Variants in SLC24A2 observed in about 807,000 individuals in gnomAD.
The protein encoded by SLC24A2 is solute carrier family 24 member 2.
Under a neutral mutation model 62.0 loss-of-function variants are expected in SLC24A2, and 36 were observed. That is an observed-to-expected ratio of 0.58 (90% CI 0.44 to 0.77). SLC24A2 has a LOEUF of 0.77. Among genes scored for constraint, SLC24A2 ranks in the 30% least tolerant of loss-of-function variants. The pLI is 0.00. For missense variants in SLC24A2, 846 were observed against 817.9 expected (o/e 1.03, Z -0.42); for synonymous variants, 358 against 294.0 (o/e 1.22, Z -2.23).
At chr9:19,944,302 G>T in the SLC24A2 span, among the ~76,000 whole-genome samples, 5 of 152,090 alleles carry the variant, frequency 3.3e-5, no homozygotes, top group Non-Finnish European at 5.9e-5. Context: ...AAGTTTAAAA[G>T]CCACTTACAA....
chr9:19,675,471 T>C (rs536518863), intron 2 of SLC24A2, among the ~76,000 whole-genome samples: 2 of 152,096 alleles, frequency 1.3e-5, no homozygotes, highest in Non-Finnish European at 2.9e-5. Flanking sequence ...AGAAAGACCA[T>C]CAGGTGTAAG....
At chr9:20,029,764 T>C in the SLC24A2 span, among the ~76,000 whole-genome samples, 2 of 152,138 alleles carry the variant, frequency 1.3e-5, no homozygotes, top group Admixed American at 1.3e-4. Context: ...ACTCAGGCAA[T>C]ATGAGCTTTA....
At chr9:19,986,128 A>G in the SLC24A2 span, among the ~76,000 whole-genome samples, 1 of 152,176 alleles carries the variant, frequency 6.6e-6, no homozygotes, top group South Asian at 2.1e-4. Context: ...AAGGACTTAA[A>G]TAGAAATTTC....
chr9:19,728,592 G>A (rs1197018820), intron 2 of SLC24A2, among the ~76,000 whole-genome samples: 4 of 152,104 alleles, frequency 2.6e-5, no homozygotes, highest in Non-Finnish European at 5.9e-5. Flanking sequence ...CAACTCTGGT[G>A]GGGAGAGAAG....
At chr9:19,976,547 A>G in the SLC24A2 span, among the ~76,000 whole-genome samples, 1 of 152,232 alleles carries the variant, frequency 6.6e-6, no homozygotes, top group East Asian at 1.9e-4. Flanking sequence ...TCAAGACTGC[A>G]GAACTATGAG....
the SLC24A2 span, among the ~76,000 whole-genome samples, chr9:20,074,990 G>A: frequency 3.3e-5 from 5 of 152,076 alleles, no homozygotes; most frequent in African/African-American, 1.2e-4. Context: ...CTTGGTTTCT[G>A]CATGTAAGAA....
chr9:19,995,478 G>C, the SLC24A2 span, among the ~76,000 whole-genome samples: 1 of 151,980 alleles, frequency 6.6e-6, no homozygotes, highest in African/African-American at 2.4e-5. Context: ...GCTGTGATGG[G>C]GCCATGTGAG....
the SLC24A2 span, among the ~76,000 whole-genome samples, chr9:20,088,769 G>A: frequency 6.6e-6 from 1 of 152,150 alleles, no homozygotes; most frequent in Non-Finnish European, 1.5e-5. Flanking sequence ...CAGGACCTCT[G>A]CATCGGGGTC....
Position 19,661,227 on chromosome 9 carries a change from G to A in SLC24A2, c.931-38928C>T, listed in dbSNP as rs906150985. Among the ~76,000 whole-genome samples the A allele has an allele frequency of 3.3e-5, 5 of 149,620 alleles. 1 individual carries two copies. The highest frequency in any genetic ancestry group is 2.0e-4 in the East Asian group (1 of 5,104). On this transcript the variant is annotated intron_variant, in intron 2 of 10. Transcript: ENST00000341998. The stretch of plus-strand genomic sequence containing the variant: ...TTTTTTTTGTGATTCTTCCTCATCC[G>A]ATACAAGTTAATTCACCCATGACTT...
chr9:20,139,950 C>T, the SLC24A2 span, among the ~76,000 whole-genome samples: 1 of 152,230 alleles, frequency 6.6e-6, no homozygotes, highest in Non-Finnish European at 1.5e-5. Context: ...GGAAACAGCC[C>T]GTGCTGCTGA....
the SLC24A2 span, among the ~76,000 whole-genome samples, chr9:20,056,536 T>C: frequency 2.0e-5 from 3 of 152,216 alleles, no homozygotes; most frequent in Admixed American, 2.0e-4. Flanking sequence ...CTTTTCTTAA[T>C]GAATTAATTA....
At chr9:20,116,520 A>G in the SLC24A2 span, among the ~76,000 whole-genome samples, 11 of 152,266 alleles carry the variant, frequency 7.2e-5, no homozygotes, top group East Asian at 1.9e-4. Flanking sequence ...TAGTTCTCCA[A>G]TGGGCTTTCA....
the SLC24A2 span, among the ~76,000 whole-genome samples, chr9:19,959,814 C>A: frequency 6.6e-6 from 1 of 152,146 alleles, no homozygotes; most frequent in African/African-American, 2.4e-5. Context: ...GAAGTTTACA[C>A]GATCTCACTC....
the SLC24A2 span, among the ~76,000 whole-genome samples, chr9:19,995,938 G>A: frequency 2.0e-5 from 3 of 152,212 alleles, no homozygotes; most frequent in Non-Finnish European, 2.9e-5. Context: ...GGCTATCTGG[G>A]GAGAAAGGTA....
chr9:19,560,879 TTGTGTGTG>T (rs779469797), intron 7 of SLC24A2, among the ~76,000 whole-genome samples: 1 of 137,068 alleles, frequency 7.3e-6, no homozygotes, highest in African/African-American at 2.7e-5. Context: ...GTCTTTGCAT[TTGTGTGTG>T]TGTGTGTGTG....
the SLC24A2 span, among the ~76,000 whole-genome samples, chr9:20,138,627 G>A: frequency 2.0e-5 from 3 of 152,126 alleles, no homozygotes; most frequent in South Asian, 2.1e-4. Flanking sequence ...AGGAGTAAGC[G>A]ATTCCTCCTC....
At chr9:19,518,323 C>T (rs939800261) in intron 10 of SLC24A2, among the ~76,000 whole-genome samples, 1 of 151,926 alleles carries the variant, frequency 6.6e-6, no homozygotes, top group African/African-American at 2.4e-5. Flanking sequence ...ACACAAATAG[C>T]AATGTAATTT....
chr9:19,872,628 G>A, the SLC24A2 span, among the ~76,000 whole-genome samples: 6 of 152,116 alleles, frequency 3.9e-5, no homozygotes, highest in Non-Finnish European at 7.4e-5. Flanking sequence ...AGAACTCTGT[G>A]CTCCAATTCA....
chr9:19,961,536 C>T, the SLC24A2 span, among the ~76,000 whole-genome samples: 1 of 152,196 alleles, frequency 6.6e-6, no homozygotes, highest in African/African-American at 2.4e-5. Context: ...AACTCTATGG[C>T]ATGGCCCCAC....
Sources: gnomAD v4.1 joint callset for allele counts (sites outside exome capture counted in the v4.1 genomes callset) on GRCh38, gnomAD v4.1.1 for gene constraint, MANE v1.5 for transcripts, NCBI Gene and HGNC (gene_info 2026-07-23, HGNC 2026-07-21) for gene names.